The following SDK2 variants were observed in gnomAD, a reference collection of about 807,000 sequenced individuals.
SDK2 encodes sidekick cell adhesion molecule 2.
In SDK2, 105 loss-of-function variants were observed where a neutral mutation model predicts 253.9. That is an observed-to-expected ratio of 0.41 (90% confidence interval 0.35 to 0.49). The LOEUF is 0.49. Among genes scored for constraint, SDK2 ranks in the 20% least tolerant of loss-of-function variants. The pLI, the probability that SDK2 is intolerant of heterozygous loss-of-function variation, is 0.06. For synonymous variants in SDK2, 1,249 were observed against 1,234.9 expected (o/e 1.01, Z -0.24); for missense variants, 2,608 against 3,003.0 (o/e 0.87, Z 3.07).
At position 73,618,732 on chromosome 17, in the gene SDK2, T is replaced by A. The variant is rs1201688231; in HGVS notation, c.64+25293A>T. Among the ~76,000 whole-genome samples, 1 of 152,068 alleles carries A rather than the reference T, an allele frequency of 6.6e-6. No homozygotes were observed. The highest frequency in any genetic ancestry group is 1.9e-4 in the East Asian group (1 of 5,184). On this transcript the variant is annotated intron_variant, in intron 1 of 44. Transcript: ENST00000392650. The surrounding 1 kb of genome is among the most constrained non-coding windows in gnomAD (Gnocchi z 4.1). The stretch of plus-strand genomic sequence containing the variant: ...TCCTATTCCCCGATCACCCCTGCCA[T>A]CCTCACGGCCAAGGAAAGCAATGCC...
At chr17:73,607,176 A>T (rs1199142940) in intron 1 of SDK2, among the ~76,000 whole-genome samples, 2 of 152,228 alleles carry the variant, frequency 1.3e-5, no homozygotes, top group Non-Finnish European at 2.9e-5. Context: ...CAAGTGGTCA[A>T]GAGGACTTCA....
intron 40 of SDK2, among the ~76,000 whole-genome samples, chr17:73,356,185 C>T (rs972054309): frequency 1.3e-5 from 2 of 152,210 alleles, no homozygotes; most frequent in South Asian, 2.1e-4. Context: ...CCCTGCCCAA[C>T]GCAGTCAGGT....
At chr17:73,523,773 A>AC (rs1434328860) in intron 1 of SDK2, among the ~76,000 whole-genome samples, 2 of 147,522 alleles carry the variant, frequency 1.4e-5, no homozygotes, top group African/African-American at 5.0e-5. Flanking sequence ...CCTCACCTGC[A>AC]CCCCCCAAAT....
intron 1 of SDK2, among the ~76,000 whole-genome samples, chr17:73,545,099 G>GCGCACACA (rs147498499): frequency 5.5e-5 from 8 of 145,818 alleles, no homozygotes; most frequent in East Asian, 2.0e-4. Context: ...GCACGTGCAC[G>GCGCACACA]CACACACACA....
chr17:73,598,643 G>A (rs1474273192), intron 1 of SDK2, among the ~76,000 whole-genome samples: 6 of 144,954 alleles, frequency 4.1e-5, no homozygotes, highest in Admixed American at 3.4e-4. Context: ...GTGAGGCAGC[G>A]GGCACGACGT....
In SDK2 at chr17:73,395,034, AAATGAGCTC is replaced by A; in HGVS notation, c.3592+112_3592+120del. 1 of 714,728 alleles carries A rather than the reference AAATGAGCTC, an allele frequency of 1.4e-6. No homozygotes were observed. The allele number at this position is 714,728 out of a possible 1,614,324, so 44.3% of individuals were successfully genotyped here. ...TTGTGACATTGAGCATAAGCAGAGGAAATGAGCTCAGGCTGTTTTTGAACAACACCTTCA... is the reference window on the plus strand; with the variant it reads ...TTGTGACATTGAGCATAAGCAGAGGAAGGCTGTTTTTGAACAACACCTTCA... On this transcript the variant is annotated intron_variant, in intron 25 of 44. Transcript: ENST00000392650. This position sits in a 1 kb window ranked among gnomAD's most constrained non-coding sequence, Gnocchi z 4.3.
chr17:73,597,355 A>G (rs538465173), intron 1 of SDK2, among the ~76,000 whole-genome samples: 2 of 152,294 alleles, frequency 1.3e-5, no homozygotes, highest in East Asian at 3.9e-4. Flanking sequence ...CCTGCCAGGT[A>G]TGACCCTCTG....
intron 1 of SDK2, among the ~76,000 whole-genome samples, chr17:73,537,814 T>C (rs78859754): frequency 0.024 from 3,584 of 152,246 alleles, 152 homozygotes; most frequent in African/African-American, 0.081. Context: ...TCTTCTATTG[T>C]CTTGCCAGGA....
chr17:73,480,497 G>A (rs1051314592), intron 2 of SDK2, among the ~76,000 whole-genome samples: 1 of 152,200 alleles, frequency 6.6e-6, no homozygotes, highest in Non-Finnish European at 1.5e-5. Context: ...GATTGTGGAA[G>A]GAGAGGCTCA....
intron 1 of SDK2, among the ~76,000 whole-genome samples, chr17:73,514,975 T>C (rs1263496200): frequency 6.6e-6 from 1 of 152,196 alleles, no homozygotes; most frequent in Non-Finnish European, 1.5e-5. Context: ...CAGGGTGGGC[T>C]GCTCTCACCA....
intron 1 of SDK2, among the ~76,000 whole-genome samples, chr17:73,529,686 A>G (rs1411430652): frequency 1.3e-5 from 2 of 152,150 alleles, no homozygotes; most frequent in African/African-American, 4.8e-5. Context: ...CCATGGGAAG[A>G]CAAAGGCAGA....
At chr17:73,635,175 A>G (rs967045152) in intron 1 of SDK2, among the ~76,000 whole-genome samples, 7 of 151,996 alleles carry the variant, frequency 4.6e-5, no homozygotes, top group Admixed American at 2.0e-4. Context: ...GTATTTTTAG[A>G]TGGGGTTTCA....
rs575900504 is a variant in SDK2, at chr17:73,638,971, G to A, written c.64+5054C>T. On this transcript the variant is annotated intron_variant, in intron 1 of 44. Transcript: ENST00000392650. ...ACTATAGGCTCCCACTACCACGCCTGGCTAATTTTTTCATTTTTAATAGAG... is the reference window on the plus strand; with the variant it reads ...ACTATAGGCTCCCACTACCACGCCTAGCTAATTTTTTCATTTTTAATAGAG... Among the ~76,000 whole-genome samples the A allele has an allele frequency of 2.0e-3, 303 of 151,936 alleles. 3 individuals are homozygous for A. The highest frequency in any genetic ancestry group is 7.0e-3 in the African/African-American group (291 of 41,454).
At chr17:73,394,436 T>A in intron 25 of SDK2, 112 bp from the exon 26 acceptor site, 1 of 561,460 alleles carries the variant, frequency 1.8e-6, no homozygotes, top group Non-Finnish European at 2.9e-6. Context: ...GTTGCCTCTC[T>A]ATGGAAGAAA....
chr17:73,471,000 C>T (rs765105610), intron 3 of SDK2, among the ~76,000 whole-genome samples: 1 of 151,970 alleles, frequency 6.6e-6, no homozygotes, highest in Non-Finnish European at 1.5e-5. Flanking sequence ...TCGGTTGGTA[C>T]TCTAGGACCC....
Position 73,437,764 on chromosome 17 carries a change from C to T in SDK2, c.975G>A (p.Val325=), listed in dbSNP as rs2063381311. Residue 325 remains valine (V), a synonymous_variant, in exon 8 of 45, where the codon GTG becomes GTA. Coordinates refer to ENST00000392650, the MANE Select transcript of SDK2 (RefSeq NM_001144952.2). The part of the protein sequence containing the change: ...ERHITAEMEK[V]VDIPCQAKGV... ...CTTTGGCCTGACAGGGGATGTCCACCACCTTCTCCATCTCCGCAGTGATGT... is the reference window on the plus strand; with the variant it reads ...CTTTGGCCTGACAGGGGATGTCCACTACCTTCTCCATCTCCGCAGTGATGT... 2 of 1,613,996 alleles carry T rather than the reference C, an allele frequency of 1.2e-6. No homozygotes were observed. The highest frequency in any genetic ancestry group is 1.3e-5 in the African/African-American group (1 of 75,042).
chr17:73,583,265 A>G (rs2045560132), intron 1 of SDK2, among the ~76,000 whole-genome samples: 1 of 152,190 alleles, frequency 6.6e-6, no homozygotes, highest in Non-Finnish European at 1.5e-5. Flanking sequence ...GCCCACTGCT[A>G]TCTTCTTAGC....
chr17:73,341,384 G>A (rs1387354124), intron 44 of SDK2, among the ~76,000 whole-genome samples: 1 of 151,916 alleles, frequency 6.6e-6, no homozygotes, highest in African/African-American at 2.4e-5. Flanking sequence ...CCTACCCTGA[G>A]CTCCCAGCAA....
At chr17:73,448,374 C>CTT (rs11377499) in intron 4 of SDK2, among the ~76,000 whole-genome samples, 8 of 148,668 alleles carry the variant, frequency 5.4e-5, no homozygotes, top group South Asian at 2.1e-4. Flanking sequence ...GTTTCTACCT[C>CTT]TTTTTTTTTT....
Sources: gnomAD v4.1 joint callset for allele counts (sites outside exome capture counted in the v4.1 genomes callset) on GRCh38, gnomAD v4.1.1 for gene constraint, Gnocchi (gnomAD v3.1) non-coding constraint, MANE v1.5 for transcripts, NCBI Gene and HGNC (gene_info 2026-07-23, HGNC 2026-07-21) for gene names.